The following DNM3 variants were observed in gnomAD, a reference collection of about 807,000 sequenced individuals.
DNM3 encodes the protein dynamin 3, also known as dynamin-3.
DNM3 carries 47 observed loss-of-function variants against 101.6 expected under a neutral mutation model. The observed-to-expected ratio is 0.46, with a 90% CI of 0.37 to 0.59. The LOEUF (loss-of-function observed/expected upper bound fraction) is 0.59. DNM3 is among the 20% of genes least tolerant of loss of function. The pLI, the probability that DNM3 is intolerant of heterozygous loss-of-function variation, is 0.00. For missense variants in DNM3, 849 were observed against 1,085.7 expected, an observed-to-expected ratio of 0.78 and a Z score of 3.06; for synonymous variants, 385 against 387.9, an observed-to-expected ratio of 0.99 and a Z score of 0.09.
At chr1:171,877,241 G>A (rs1247905576) in intron 1 of DNM3, among the ~76,000 whole-genome samples, 1 of 152,100 alleles carries the variant, frequency 6.6e-6, no homozygotes, top group Non-Finnish European at 1.5e-5. Context: ...AACACCATAT[G>A]TAAAACACCT....
In DNM3 at chr1:171,883,417, T is replaced by C. The variant is rs7516629; in HGVS notation, c.162-38331T>C. On this transcript the variant is annotated intron_variant, in intron 1 of 20. Coordinates refer to ENST00000627582, the MANE Select transcript of DNM3 (RefSeq NM_015569.5). Reference sequence around the variant, plus strand: ...CACACACACACACACACACACACCCTGTCAGAATGAATACCATCAATCTAT... The same window carrying C: ...CACACACACACACACACACACACCCCGTCAGAATGAATACCATCAATCTAT... Among the ~76,000 whole-genome samples the C allele has an allele frequency of 4.6e-3, 226 of 48,836 alleles. 6 individuals are homozygous for C. Among genetic ancestry groups the C allele is most frequent in the South Asian group, 0.022 (44 of 2,004 alleles). 32.0% of individuals were successfully genotyped at this position (48,836 alleles called of 152,430 possible).
chr1:172,029,094 G>A (rs764748116), intron 4 of DNM3, among the ~76,000 whole-genome samples: 3 of 152,134 alleles, frequency 2.0e-5, no homozygotes, highest in Non-Finnish European at 2.9e-5. Flanking sequence ...AAACCTGGTG[G>A]AGACACAATA....
intron 1 of DNM3, among the ~76,000 whole-genome samples, chr1:171,897,769 T>G (rs1300850985): frequency 1.3e-5 from 2 of 152,222 alleles, no homozygotes; most frequent in Non-Finnish European, 2.9e-5. Flanking sequence ...TTTGTATGGA[T>G]TTTTCATACA....
chr1:172,029,837 T>C (rs563722214), intron 4 of DNM3, among the ~76,000 whole-genome samples: 9 of 151,990 alleles, frequency 5.9e-5, no homozygotes, highest in Non-Finnish European at 1.2e-4. Flanking sequence ...TACCTAGGAA[T>C]CCAACTTACA....
chr1:172,061,223 A>G (rs2051163752), intron 10 of DNM3, among the ~76,000 whole-genome samples: 1 of 150,596 alleles, frequency 6.6e-6, no homozygotes, highest in South Asian at 2.1e-4. Context: ...GATGTGGAGA[A>G]ATAGGAACAC....
At chr1:172,120,853 T>TTG (rs1270853147) in intron 13 of DNM3, among the ~76,000 whole-genome samples, 2 of 152,022 alleles carry the variant, frequency 1.3e-5, no homozygotes, top group Non-Finnish European at 2.9e-5. Context: ...GACTGTGCCT[T>TTG]TGTGTGTGTG....
intron 15 of DNM3, among the ~76,000 whole-genome samples, chr1:172,300,905 G>C (rs75657515): frequency 5.3e-4 from 81 of 152,298 alleles, no homozygotes; most frequent in Admixed American, 2.0e-3. Flanking sequence ...CCACTAAAAT[G>C]GGAACATTGG....
rs745375699 is a variant in DNM3 at position 172,032,454 on chromosome 1, G to A, written c.642G>A (p.Thr214=). 53 of 1,611,944 alleles carry A rather than the reference G, an allele frequency of 3.3e-5. No individual in the cohort carries two copies. The highest frequency in any genetic ancestry group is 4.0e-5 in the Non-Finnish European group (47 of 1,179,010). The change falls in exon 5 of 21, where the codon ACG becomes ACA. Residue 214 remains threonine (T), a synonymous_variant. Transcript: ENST00000627582. ...AACTGGACCTTATGGATGAAGGAAC[G>A]GATGCCAGGGATGTTCTAGAGAACA... is the stretch of plus-strand genomic sequence containing the variant. The part of the protein sequence containing the change: ...ITKLDLMDEG[T]DARDVLENKL...
chr1:171,970,354 A>G (rs1315422823), intron 2 of DNM3: 1 of 157,616 alleles, frequency 6.3e-6, no homozygotes, highest in Non-Finnish European at 1.4e-5. Context: ...TATTATTTCC[A>G]TTCTACATAG....
intron 17 of DNM3, among the ~76,000 whole-genome samples, chr1:172,327,086 G>A (rs1487842925): frequency 6.6e-6 from 1 of 152,064 alleles, no homozygotes; most frequent in African/African-American, 2.4e-5. Flanking sequence ...TTCTAGTTAG[G>A]TTAAAAGCAA....
intron 1 of DNM3, among the ~76,000 whole-genome samples, chr1:171,916,018 CT>C (rs1309498279): frequency 6.6e-6 from 1 of 152,180 alleles, no homozygotes; most frequent in Non-Finnish European, 1.5e-5. Context: ...GACTTTTGTC[CT>C]GAGTGCCAAC....
At chr1:172,133,087 A>C (rs2057028406) in intron 14 of DNM3, 5 of 1,440,684 alleles carry the variant, frequency 3.5e-6, no homozygotes, top group Admixed American at 2.9e-5. Flanking sequence ...AATTCCAGGC[A>C]TCTCAGCATT....
At position 172,265,734 on chromosome 1, in the gene DNM3, G is replaced by A. The variant is rs78759658; in HGVS notation, c.1769+12052G>A. On this transcript the variant is annotated intron_variant, in intron 15 of 20. Coordinates refer to ENST00000627582, the MANE Select transcript of DNM3 (RefSeq NM_015569.5). ...ATAATGGCCTCACTGTGCTTCTCTCGGCTCTCCCCAGGCAGGCGTTCAGTT... is the reference window on the plus strand; with the variant it reads ...ATAATGGCCTCACTGTGCTTCTCTCAGCTCTCCCCAGGCAGGCGTTCAGTT... Among the ~76,000 whole-genome samples, 254 of 152,094 alleles carry A rather than the reference G, an allele frequency of 1.7e-3. 5 individuals are homozygous for A. The East Asian group carries it at 0.038, about 23-fold the overall frequency.
chr1:172,158,624 T>C (rs1353234567), intron 14 of DNM3, among the ~76,000 whole-genome samples: 1 of 152,022 alleles, frequency 6.6e-6, no homozygotes, highest in Non-Finnish European at 1.5e-5. Context: ...AAGATGTTTC[T>C]AGTCAATAGA....
chr1:172,221,215 A>G (rs1414887079), intron 14 of DNM3, among the ~76,000 whole-genome samples: 1 of 152,150 alleles, frequency 6.6e-6, no homozygotes, highest in African/African-American at 2.4e-5. Context: ...TTTACATAAG[A>G]AAAGTACTCA....
At chr1:172,319,657 A>T (rs1183216385) in intron 16 of DNM3, among the ~76,000 whole-genome samples, 2 of 152,232 alleles carry the variant, frequency 1.3e-5, no homozygotes, top group Admixed American at 1.3e-4. Flanking sequence ...GCCATCAGAG[A>T]AATGCAAATC....
rs571816232 is a variant in DNM3, at chr1:172,217,577, C to T, written c.1660-35996C>T. On this transcript the variant is annotated intron_variant, in intron 14 of 20. Transcript: ENST00000627582. ...TTTCTTGTGCCCACTGCCTCTTATT[C>T]GATCATTTGTTGTTTCTATTCTCAA... Among the ~76,000 whole-genome samples, 28 of 152,154 alleles carry T rather than the reference C, an allele frequency of 1.8e-4. 1 individual carries two copies. The highest frequency in any genetic ancestry group is 5.1e-4 in the African/African-American group (21 of 41,542).
chr1:172,341,647 C>T (rs2066690633), intron 17 of DNM3, among the ~76,000 whole-genome samples: 1 of 152,040 alleles, frequency 6.6e-6, no homozygotes, highest in Non-Finnish European at 1.5e-5. Flanking sequence ...CTCCCTATTC[C>T]CTAACTGGAC....
In DNM3 at chr1:171,921,763, A is replaced by G. The variant is rs1379319865; in HGVS notation, c.177A>G (p.Arg59=). 1 of 1,595,838 alleles carries G rather than the reference A, an allele frequency of 6.3e-7. No homozygotes were observed. The highest frequency in any genetic ancestry group is 1.1e-5 in the South Asian group (1 of 87,886). ...ENFVGRDFLP[R]GSGIVTRRPL... ...CTTTTTTTAGGGACTTTCTCCCTCGAGGGTCGGGCATTGTAACAAGACGAC... is the reference window on the plus strand; with the variant it reads ...CTTTTTTTAGGGACTTTCTCCCTCGGGGGTCGGGCATTGTAACAAGACGAC... Residue 59 remains arginine, a synonymous_variant, in exon 2 of 21, where the codon CGA becomes CGG. Coordinates refer to ENST00000627582, the MANE Select transcript of DNM3 (RefSeq NM_015569.5).
Sources: gnomAD v4.1 joint callset for allele counts (sites outside exome capture counted in the v4.1 genomes callset) on GRCh38, gnomAD v4.1.1 for gene constraint, MANE v1.5 for transcripts, NCBI Gene and HGNC (gene_info 2026-07-23, HGNC 2026-07-21) for gene names.